The following BRAF variants were observed in gnomAD, a reference collection of about 807,000 sequenced individuals.
BRAF encodes serine/threonine-protein kinase B-raf.
In BRAF, 16 loss-of-function variants were observed where a neutral mutation model predicts 104.6. That is an observed-to-expected ratio of 0.15 (90% confidence interval 0.10 to 0.23). The LOEUF (loss-of-function observed/expected upper bound fraction) is 0.23. Among genes scored for constraint, BRAF ranks in the 10% least tolerant of loss-of-function variants. The pLI is 1.00. For missense variants in BRAF, 541 were observed against 937.3 expected (o/e 0.58, Z 5.52); for synonymous variants, 310 against 341.6 (o/e 0.91, Z 1.02).
At chr7:140,774,439 C>T (rs1800135387) in intron 14 of BRAF, among the ~76,000 whole-genome samples, 1 of 152,196 alleles carries the variant, frequency 6.6e-6, no homozygotes, top group East Asian at 1.9e-4. Flanking sequence ...TGATAATGTT[C>T]TTCTTTACTG....
At chr7:140,822,940 A>G (rs1488104209) in intron 3 of BRAF, among the ~76,000 whole-genome samples, 2 of 152,144 alleles carry the variant, frequency 1.3e-5, no homozygotes, top group East Asian at 1.9e-4. Flanking sequence ...CTCCTGCTTC[A>G]GCCTCTCAGG....
At chr7:140,856,283 A>G (rs923778095) in intron 1 of BRAF, among the ~76,000 whole-genome samples, 1 of 151,948 alleles carries the variant, frequency 6.6e-6, no homozygotes, top group Non-Finnish European at 1.5e-5. Flanking sequence ...GAGGGAAGGG[A>G]GAGACAGAAG....
At chr7:140,918,580 A>T (rs1198079152) in intron 1 of BRAF, among the ~76,000 whole-genome samples, 1 of 152,192 alleles carries the variant, frequency 6.6e-6, no homozygotes, top group East Asian at 1.9e-4. Context: ...CCTCTGAAGA[A>T]GGTCCTTGAA....
At chr7:140,904,351 G>C (rs2129132376) in intron 1 of BRAF, among the ~76,000 whole-genome samples, 1 of 151,974 alleles carries the variant, frequency 6.6e-6, no homozygotes, top group Middle Eastern at 3.4e-3. Flanking sequence ...GAATTTCCCA[G>C]TAGATCTAGA....
rs143376854 is a variant in BRAF at position 140,829,290 on chromosome 7, C to A, written c.504+5319G>T. 1.6e-3 allele frequency among the ~76,000 whole-genome samples: 238 copies of A among 150,682 alleles called. 1 individual carries two copies. The highest frequency in any genetic ancestry group is 0.014 in the Middle Eastern group (4 of 294). On this transcript the variant is annotated intron_variant, in intron 3 of 19. Coordinates refer to ENST00000644969, the MANE Select transcript of BRAF (RefSeq NM_001374258.1). Reference sequence around the variant, plus strand: ...ATTAAGTTTTGATTAAGATAGTGACCTCAACTCCTAGATTTTACATGCAGC... The same window carrying A: ...ATTAAGTTTTGATTAAGATAGTGACATCAACTCCTAGATTTTACATGCAGC...
Position 140,724,280 on chromosome 7 carries a change from C to T in BRAF, c.*2214G>A. 1 of 1,058,218 alleles carries T rather than the reference C, an allele frequency of 9.4e-7. No individual in the cohort carries two copies. Among genetic ancestry groups the T allele is most frequent in the Non-Finnish European group, 1.1e-6 (1 of 874,920 alleles). The allele number at this position is 1,058,218 out of a possible 1,614,324, so 65.6% of individuals were successfully genotyped here. Reference sequence around the variant, plus strand: ...TCCTCAGCAGGACATGAAACACATCCTCTTGTTCAAGCCCAGGTCTCTCTA... The same window carrying T: ...TCCTCAGCAGGACATGAAACACATCTTCTTGTTCAAGCCCAGGTCTCTCTA... On this transcript the variant is annotated 3_prime_UTR_variant, in exon 20 of 20. Transcript: ENST00000644969.
intron 1 of BRAF, among the ~76,000 whole-genome samples, chr7:140,855,417 A>C (rs753231764): frequency 2.5e-4 from 38 of 152,074 alleles, no homozygotes; most frequent in Non-Finnish European, 1.0e-4. Flanking sequence ...GATCATTTTT[A>C]GTGACTTTAC....
At chr7:140,753,211 T>C (rs1430954971) in intron 16 of BRAF, 64 bp downstream of exon 15, 1 of 1,165,436 alleles carries the variant, frequency 8.6e-7, no homozygotes, top group African/African-American at 1.5e-5. Context: ...AATGACTTTC[T>C]AGTAACTCAG....
chr7:140,772,298 C>T (rs926074235), intron 14 of BRAF, among the ~76,000 whole-genome samples: 1 of 151,598 alleles, frequency 6.6e-6, no homozygotes, highest in African/African-American at 2.4e-5. Flanking sequence ...ACAACAACAA[C>T]AACAACAACA....
intron 7 of BRAF, chr7:140,799,179 C>T (rs1215920257): frequency 4.6e-6 from 1 of 216,044 alleles, no homozygotes; most frequent in Non-Finnish European, 9.3e-6. Context: ...AAAGTCACTT[C>T]TCAGCTTTAT....
intron 16 of BRAF, among the ~76,000 whole-genome samples, chr7:140,750,829 T>C (rs892339238): frequency 1.1e-4 from 17 of 152,204 alleles, no homozygotes; most frequent in African/African-American, 2.7e-4. Flanking sequence ...CTGTTGTTGG[T>C]AGACAGTTTG....
At chr7:140,744,391 G>T (rs1219752716) in intron 17 of BRAF, among the ~76,000 whole-genome samples, 1 of 152,216 alleles carries the variant, frequency 6.6e-6, no homozygotes, top group African/African-American at 2.4e-5. Context: ...CAACAAGAAC[G>T]CTTCTGAATT....
intron 1 of BRAF, among the ~76,000 whole-genome samples, chr7:140,877,646 T>C (rs1586508118): frequency 2.0e-5 from 3 of 151,820 alleles, no homozygotes; most frequent in African/African-American, 7.2e-5. Flanking sequence ...AAATTAACAA[T>C]ATCAGTAATA....
Position 140,924,360 on chromosome 7 carries a change from C to T in BRAF, c.138+206G>A, listed in dbSNP as rs1319196173. On this transcript the variant is annotated intron_variant, in intron 1 of 19. Coordinates refer to ENST00000644969, the MANE Select transcript of BRAF (RefSeq NM_001374258.1). This position sits in a 1 kb window ranked among gnomAD's most constrained non-coding sequence, Gnocchi z 4.2. ...CATCTGGGGTGGGGGCCAGGGAAAC[C>T]CCCCGGGCCATTGTGTGTGTTTACG... is the stretch of plus-strand genomic sequence containing the variant. Among the ~76,000 whole-genome samples the T allele has an allele frequency of 6.6e-6, 1 of 152,166 alleles. No individual in the cohort carries two copies. Among genetic ancestry groups the T allele is most frequent in the Non-Finnish European group, 1.5e-5 (1 of 68,004 alleles).
At chr7:140,878,809 T>C (rs1422196114) in intron 1 of BRAF, among the ~76,000 whole-genome samples, 2 of 152,180 alleles carry the variant, frequency 1.3e-5, no homozygotes, top group East Asian at 1.9e-4. Flanking sequence ...GACTTCAGCA[T>C]TGCGCACTGT....
intron 14 of BRAF, among the ~76,000 whole-genome samples, chr7:140,756,327 T>C (rs1798202821): frequency 6.6e-6 from 1 of 152,104 alleles, no homozygotes; most frequent in Non-Finnish European, 1.5e-5. Context: ...AATCCTTCTG[T>C]AACAAAAGCA....
chr7:140,919,386 C>G lies in BRAF; in HGVS notation c.138+5180G>C, dbSNP rs1045054665. Among the ~76,000 whole-genome samples the G allele has an allele frequency of 7.2e-5, 11 of 151,736 alleles. No homozygotes were observed. The South Asian group carries it at 2.3e-3, about 32-fold the overall frequency. ...ATTTTTATATTCTACATCACCAGGG[C>G]CCAGAAAAAGAAGTTACTGGGCATT... On this transcript the variant is annotated intron_variant, in intron 1 of 19. Coordinates refer to ENST00000644969, the MANE Select transcript of BRAF (RefSeq NM_001374258.1).
intron 1 of BRAF, among the ~76,000 whole-genome samples, chr7:140,851,600 AG>A (rs1226738792): frequency 6.6e-6 from 1 of 152,180 alleles, no homozygotes; most frequent in Non-Finnish European, 1.5e-5. Flanking sequence ...ATCTAGGTAT[AG>A]GATTCCAGGA....
In BRAF at chr7:140,924,187, T is replaced by C. The variant is rs2129152483; in HGVS notation, c.138+379A>G. Among the ~76,000 whole-genome samples the C allele has an allele frequency of 6.6e-6, 1 of 152,124 alleles. No homozygotes were observed. The highest frequency in any genetic ancestry group is 1.9e-4 in the East Asian group (1 of 5,146). ...GTTGTCTCAGCCCCAGCAACTAACC[T>C]ATATCCTCCACGTCGAGGCCGCCGC... On this transcript the variant is annotated intron_variant, in intron 1 of 19. Coordinates refer to ENST00000644969, the MANE Select transcript of BRAF (RefSeq NM_001374258.1). This position sits in a 1 kb window ranked among gnomAD's most constrained non-coding sequence, Gnocchi z 4.2.
Sources: gnomAD v4.1 joint callset for allele counts (sites outside exome capture counted in the v4.1 genomes callset) on GRCh38, gnomAD v4.1.1 for gene constraint, Gnocchi (gnomAD v3.1) non-coding constraint, MANE v1.5 for transcripts, NCBI Gene and HGNC (gene_info 2026-07-23, HGNC 2026-07-21) for gene names.